Variants in OR51B5 observed in about 807,000 individuals in gnomAD.
OR51B5 encodes olfactory receptor family 51 subfamily B member 5.
For synonymous variants in OR51B5, 186 were observed against 144.8 expected (o/e 1.28, Z -2.04); for missense variants, 456 against 374.6 (o/e 1.22, Z -1.79).
intron 1 of OR51B5, among the ~76,000 whole-genome samples, chr11:5,477,291 G>C (rs1210403115): frequency 6.6e-6 from 1 of 152,182 alleles, no homozygotes; most frequent in Non-Finnish European, 1.5e-5. Flanking sequence ...ACAGGAAAGA[G>C]AAACACTTAT....
At position 5,397,846 on chromosome 11, in the gene OR51B5, A is replaced by G. The variant is rs528734713; in HGVS notation, n.85-50936T>C. The stretch of plus-strand genomic sequence containing the variant: ...ACTGGATTAAGAAAATGTGGCACAT[A>G]TACACCATGGAATACTATGCAGCCA... On this transcript the variant is annotated intron_variant and non_coding_transcript_variant, in intron 1 of 4. Coordinates refer to the OR51B5 transcript ENST00000415970. 9.4e-3 allele frequency among the ~76,000 whole-genome samples: 1,421 copies of G among 151,736 alleles called. 9 individuals carry two copies. Among genetic ancestry groups the G allele is most frequent in the Non-Finnish European group, 0.013 (853 of 67,886 alleles).
At chr11:5,454,230 G>C in intron 1 of OR51B5, 1 of 1,614,184 alleles carries the variant, frequency 6.2e-7, no homozygotes, top group South Asian at 1.1e-5. Context: ...TATCCTGGCT[G>C]TACTTGCATT....
downstream of OR51B5, chr11:5,341,143 G>A (rs1848886342): frequency 6.6e-6 from 1 of 152,184 alleles, no homozygotes. Flanking sequence ...CAATACCTGA[G>A]ATAGGGATTC....
chr11:5,384,393 C>T lies in OR51B5; in HGVS notation n.85-37483G>A, dbSNP rs7937872. On this transcript the variant is annotated intron_variant and non_coding_transcript_variant, in intron 1 of 4. Coordinates refer to the OR51B5 transcript ENST00000415970. ...GAAGTCTTAGAAACCAGGGTTCTCA[C>T]AGAATCTCTTCTGATATTCTCAGAG... Among the ~76,000 whole-genome samples, 442 of 152,306 alleles carry T rather than the reference C, an allele frequency of 2.9e-3. 1 individual carries two copies. Among genetic ancestry groups the T allele is most frequent in the African/African-American group, 0.01 (418 of 41,566 alleles).
At chr11:5,415,753 A>G (rs1157853804) in intron 1 of OR51B5, among the ~76,000 whole-genome samples, 9 of 152,146 alleles carry the variant, frequency 5.9e-5, no homozygotes, top group Non-Finnish European at 1.3e-4. Context: ...GAATACACCA[A>G]TAACAGGAGC....
intron 1 of OR51B5, among the ~76,000 whole-genome samples, chr11:5,451,206 G>A (rs1850842054): frequency 6.6e-6 from 1 of 152,164 alleles, no homozygotes; most frequent in African/African-American, 2.4e-5. Flanking sequence ...GTAAGGGAAG[G>A]GATATAATTC....
At chr11:5,468,241 CTCTT>C (rs1296081030) in intron 1 of OR51B5, among the ~76,000 whole-genome samples, 3 of 152,236 alleles carry the variant, frequency 2.0e-5, no homozygotes, top group South Asian at 2.1e-4. Flanking sequence ...GTTCAAGACT[CTCTT>C]TCTTGTTGGG....
intron 1 of OR51B5, among the ~76,000 whole-genome samples, chr11:5,477,192 G>A (rs891354018): frequency 1.2e-4 from 19 of 152,160 alleles, no homozygotes; most frequent in East Asian, 4.0e-4. Context: ...TTTCGTGAGC[G>A]CCAGGGGAGA....
At chr11:5,409,809 G>A (rs1006984848) in intron 1 of OR51B5, among the ~76,000 whole-genome samples, 1 of 152,046 alleles carries the variant, frequency 6.6e-6, no homozygotes, top group Admixed American at 6.6e-5. Flanking sequence ...TATCCAAGAA[G>A]GTCCACATAG....
intron 1 of OR51B5, among the ~76,000 whole-genome samples, chr11:5,374,078 C>T (rs1429964906): frequency 6.6e-6 from 1 of 152,094 alleles, no homozygotes; most frequent in Non-Finnish European, 1.5e-5. Context: ...TGGGAGGCAC[C>T]CCCAAGTAAG....
chr11:5,341,474 C>A (rs904579302), downstream of OR51B5: 4 of 152,038 alleles, frequency 2.6e-5, no homozygotes, highest in South Asian at 8.3e-4. Context: ...CTATATAGTC[C>A]CCTCTCTTGT....
At chr11:5,379,420 C>G (rs905181643) in intron 1 of OR51B5, among the ~76,000 whole-genome samples, 1 of 150,936 alleles carries the variant, frequency 6.6e-6, no homozygotes, top group Non-Finnish European at 1.5e-5. Flanking sequence ...TGTAACTAAC[C>G]GGCACATTAT....
chr11:5,425,357 G>A (rs1589990362), intron 1 of OR51B5, among the ~76,000 whole-genome samples: 1 of 152,158 alleles, frequency 6.6e-6, no homozygotes, highest in Non-Finnish European at 1.5e-5. Context: ...CTTGATGAGC[G>A]ATATCTATCG....
intron 1 of OR51B5, among the ~76,000 whole-genome samples, chr11:5,387,609 G>C (rs2173414): frequency 0.78 from 118,824 of 152,104 alleles, 46,826 homozygotes; most frequent in Middle Eastern, 0.84. Context: ...ACTTCAAGTG[G>C]ATTTGCCACC....
At chr11:5,466,392 T>C (rs1282831302) in intron 1 of OR51B5, among the ~76,000 whole-genome samples, 1 of 152,222 alleles carries the variant, frequency 6.6e-6, no homozygotes, top group Non-Finnish European at 1.5e-5. Context: ...TGCCTTATTA[T>C]GAGAATTCCC....
intron 1 of OR51B5, among the ~76,000 whole-genome samples, chr11:5,398,298 A>G (rs556974246): frequency 4.6e-5 from 7 of 152,334 alleles, no homozygotes; most frequent in Non-Finnish European, 8.8e-5. Flanking sequence ...TACTGACTCT[A>G]TATCTTTGCT....
In OR51B5 at chr11:5,421,130, C is replaced by T. The variant is rs1442007613; in HGVS notation, n.85-74220G>A. On this transcript the variant is annotated intron_variant and non_coding_transcript_variant, in intron 1 of 4. Transcript: ENST00000415970. ...TTTCTAACTTATTGCTCTGTGAGGA[C>T]ACCAGGGGCAGCAAAGGCTGTCACC... is the stretch of plus-strand genomic sequence containing the variant. Among the ~76,000 whole-genome samples, 5 of 152,358 alleles carry T rather than the reference C, an allele frequency of 3.3e-5. No homozygotes were observed. In the East Asian group the frequency reaches 7.7e-4, roughly 23 times the overall value.
At chr11:5,389,843 ACTGG>A (rs1849765347) in intron 1 of OR51B5, 2 of 1,613,800 alleles carry the variant, frequency 1.2e-6, no homozygotes, top group Middle Eastern at 1.6e-4. Context: ...GGTCATTATC[ACTGG>A]CCAGCAAGTG....
At chr11:5,435,216 G>A (rs1850576214) in intron 1 of OR51B5, among the ~76,000 whole-genome samples, 1 of 152,112 alleles carries the variant, frequency 6.6e-6, no homozygotes, top group African/African-American at 2.4e-5. Flanking sequence ...CCAGTGATGG[G>A]GAGTTTATCG....
Sources: gnomAD v4.1 joint callset for allele counts (sites outside exome capture counted in the v4.1 genomes callset) on GRCh38, gnomAD v4.1.1 for gene constraint, MANE v1.5 for transcripts, NCBI Gene and HGNC (gene_info 2026-07-23, HGNC 2026-07-21) for gene names.